SEPTIN9: variants seen among roughly 807,000 people sequenced by gnomAD.
SEPTIN9 encodes septin 9, also known as septin-9.
SEPTIN9 carries 13 observed loss-of-function variants against 56.6 expected under a neutral mutation model. The ratio of observed to expected loss-of-function variants is 0.23; its 90% CI spans 0.15 to 0.37. SEPTIN9 has a LOEUF of 0.37. SEPTIN9 is among the 10% of genes least tolerant of loss of function. The probability of loss-of-function intolerance (pLI) is 1.00; values close to 1 mark genes in which losing one functional copy is unlikely to be tolerated. For synonymous variants in SEPTIN9, 332 were observed against 334.1 expected, an observed-to-expected ratio of 0.99 and a Z score of 0.07; for missense variants, 650 against 823.1, an observed-to-expected ratio of 0.79 and a Z score of 2.57.
intron 2 of SEPTIN9, among the ~76,000 whole-genome samples, chr17:77,332,020 AATCCCAGCACTTTG>A (rs2033384427): frequency 2.6e-5 from 4 of 152,198 alleles, no homozygotes; most frequent in Non-Finnish European, 4.4e-5. Context: ...TCATGACTGT[AATCCCAGCACTTTG>A]GGAGGTTGAG....
intron 1 of SEPTIN9, among the ~76,000 whole-genome samples, chr17:77,293,181 A>C (rs760291283): frequency 2.0e-5 from 3 of 151,622 alleles, no homozygotes; most frequent in Non-Finnish European, 2.9e-5. Flanking sequence ...ATGCCTGCCT[A>C]ATTTTTTCTT....
chr17:77,394,191 C>T (rs571927764), intron 2 of SEPTIN9, among the ~76,000 whole-genome samples: 1 of 152,278 alleles, frequency 6.6e-6, no homozygotes, highest in South Asian at 2.1e-4. Context: ...GACTACCCAC[C>T]CCACCCTACA....
chr17:77,451,305 CT>C lies in SEPTIN9; in HGVS notation c.722-30838del. The C allele has an allele frequency of 1.1e-6, 1 of 946,478 alleles. No homozygotes were observed. The highest frequency in any genetic ancestry group is 4.9e-5 in the South Asian group (1 of 20,604). The allele number at this position is 946,478 out of a possible 1,614,324, so 58.6% of individuals were successfully genotyped here. A position where few individuals can be genotyped will look rare whatever the true frequency, so the allele number is the denominator to read the frequency against. On this transcript the variant is annotated intron_variant, in intron 3 of 11. Transcript: ENST00000427177. This position sits in a 1 kb window ranked among gnomAD's most constrained non-coding sequence, Gnocchi z 4.2. ...GGGCGCCCCTATCTCTGCCTGCCCC[CT>C]CCTCCTGCTCCCCTCGCCCTGCCCC...
chr17:77,285,541 G>A (rs959717606), intron 1 of SEPTIN9, among the ~76,000 whole-genome samples: 2 of 152,160 alleles, frequency 1.3e-5, no homozygotes, highest in African/African-American at 2.4e-5. Flanking sequence ...GGGATTACAG[G>A]CATGTGCCAC....
intron 3 of SEPTIN9, chr17:77,469,457 C>T (rs2038885588): frequency 6.6e-6 from 1 of 152,188 alleles, no homozygotes; most frequent in African/African-American, 2.4e-5. Context: ...GTCAGAACCC[C>T]AAGTCCAGAG....
At chr17:77,413,488 G>A (rs189895525) in intron 3 of SEPTIN9, among the ~76,000 whole-genome samples, 1 of 152,338 alleles carries the variant, frequency 6.6e-6, no homozygotes, top group African/African-American at 2.4e-5. Context: ...TGATTGACAT[G>A]ATTGATCAGC....
intron 1 of SEPTIN9, chr17:77,287,791 T>G: frequency 9.0e-6 from 7 of 778,868 alleles, no homozygotes; most frequent in Non-Finnish European, 9.5e-6. Context: ...CAGCCTAATC[T>G]GACCTGGTTC....
intron 3 of SEPTIN9, among the ~76,000 whole-genome samples, chr17:77,426,050 TC>T (rs1375961849): frequency 3.3e-4 from 50 of 151,924 alleles, no homozygotes; most frequent in Non-Finnish European, 5.9e-5. Context: ...GGAGGAGGCC[TC>T]CACACCTCCC....
chr17:77,437,232 T>A lies in SEPTIN9; in HGVS notation c.721+34529T>A, dbSNP rs1269585894. On this transcript the variant is annotated intron_variant, in intron 3 of 11. Coordinates refer to ENST00000427177, the MANE Select transcript of SEPTIN9 (RefSeq NM_001113491.2). This position sits in a 1 kb window ranked among gnomAD's most constrained non-coding sequence, Gnocchi z 5.3. ...GAAAGAAGAATGCCCTATGCAGAAG[T>A]GGTTGGAAAGCAAGAAGCCTGGAGA... Among the ~76,000 whole-genome samples the A allele has an allele frequency of 6.6e-6, 1 of 152,006 alleles. No homozygotes were observed. Among genetic ancestry groups the A allele is most frequent in the Non-Finnish European group, 1.5e-5 (1 of 67,970 alleles).
intron 2 of SEPTIN9, among the ~76,000 whole-genome samples, chr17:77,393,056 C>T (rs1214241079): frequency 1.3e-5 from 2 of 152,178 alleles, no homozygotes; most frequent in Non-Finnish European, 2.9e-5. Context: ...CAGGCCAATT[C>T]TGGAGGGCTA....
At chr17:77,355,961 G>A (rs77252631) in intron 2 of SEPTIN9, among the ~76,000 whole-genome samples, 39,924 of 126,444 alleles carry the variant, frequency 0.32, 5,837 homozygotes, top group Middle Eastern at 0.4. Context: ...CAGCCTGGGC[G>A]ACAGAGCGAG....
Position 77,499,045 on chromosome 17 carries a change from G to C in SEPTIN9, c.*387G>C, listed in dbSNP as rs779532498. 4 of 537,746 alleles carry C rather than the reference G, an allele frequency of 7.4e-6. No individual in the cohort carries two copies. The highest frequency in any genetic ancestry group is 6.1e-5 in the South Asian group (4 of 65,230). The allele number at this position is 537,746 out of a possible 1,614,324, so 33.3% of individuals were successfully genotyped here. A position where few individuals can be genotyped will look rare whatever the true frequency, so the allele number is the denominator to read the frequency against. ...GGCCAGGCCTCGCACTTGCAGAGGA[G>C]CCCAGTGGGCTGCACGCTCCCCTCC... On this transcript the variant is annotated 3_prime_UTR_variant, in exon 12 of 12. Coordinates refer to ENST00000427177, the MANE Select transcript of SEPTIN9 (RefSeq NM_001113491.2).
Position 77,436,150 on chromosome 17 carries a change from C to G in SEPTIN9, c.721+33447C>G, listed in dbSNP as rs1026577896. The stretch of plus-strand genomic sequence containing the variant: ...GCCTGGTTGGGGAGTGTGAGGATGC[C>G]TGCTGGAAGCCAACGTGCACGAAAG... On this transcript the variant is annotated intron_variant, in intron 3 of 11. Transcript: ENST00000427177. The surrounding 1 kb of genome is among the most constrained non-coding windows in gnomAD (Gnocchi z 4.4). Among the ~76,000 whole-genome samples, 1 of 152,182 alleles carries G rather than the reference C, an allele frequency of 6.6e-6. No homozygotes were observed. The highest frequency in any genetic ancestry group is 1.5e-5 in the Non-Finnish European group (1 of 68,036).
rs368087268 is a variant in SEPTIN9 at position 77,467,715 on chromosome 17, C to T, written c.722-14429C>T. 8.7e-4 allele frequency among the ~76,000 whole-genome samples: 133 copies of T among 152,312 alleles called. 4 individuals are homozygous for T. The South Asian group carries it at 9.5e-3, about 11-fold the overall frequency. On this transcript the variant is annotated intron_variant, in intron 3 of 11. Transcript: ENST00000427177. Reference sequence around the variant, plus strand: ...CGGCCACACACCGAAGCCGCGGAGACGCCGTGGGAAAGGACTCTGGCCAGC... The same window carrying T: ...CGGCCACACACCGAAGCCGCGGAGATGCCGTGGGAAAGGACTCTGGCCAGC...
chr17:77,401,989 A>T lies in SEPTIN9; in HGVS notation c.77-70A>T, dbSNP rs927870667. 4 of 1,505,538 alleles carry T rather than the reference A, an allele frequency of 2.7e-6. No homozygotes were observed. The African/African-American group carries it at 5.5e-5, about 21-fold the overall frequency. The allele number at this position is 1,505,538 out of a possible 1,614,324, so 93.3% of individuals were successfully genotyped here. ...CGCCTGCCTTCCTCTGCTGCTCCTTAGCAGGAAACATGCCGGAGTGTTCCC... is the reference window on the plus strand; with the variant it reads ...CGCCTGCCTTCCTCTGCTGCTCCTTTGCAGGAAACATGCCGGAGTGTTCCC... On this transcript the variant is annotated intron_variant, in intron 2 of 11. Transcript: ENST00000427177.
chr17:77,290,579 G>A (rs2031498363), intron 1 of SEPTIN9, among the ~76,000 whole-genome samples: 1 of 151,688 alleles, frequency 6.6e-6, no homozygotes, highest in Non-Finnish European at 1.5e-5. Context: ...TGTAATCCCA[G>A]CACTTTGAGA....
In SEPTIN9 at chr17:77,475,556, T is replaced by C. The variant is rs1226899634; in HGVS notation, c.722-6588T>C. The C allele has an allele frequency of 1.2e-6, 2 of 1,613,110 alleles. No homozygotes were observed. The highest frequency in any genetic ancestry group is 1.7e-6 in the Non-Finnish European group (2 of 1,179,794). On this transcript the variant is annotated intron_variant, in intron 3 of 11. Coordinates refer to ENST00000427177, the MANE Select transcript of SEPTIN9 (RefSeq NM_001113491.2). The surrounding 1 kb of genome is among the most constrained non-coding windows in gnomAD (Gnocchi z 4.6). ...TTCTGGGAAGGCCTGCAGGTGGCCG[T>C]AGGGCTGCCGCAGGGGTGCTGGCCC...
intron 3 of SEPTIN9, among the ~76,000 whole-genome samples, chr17:77,439,173 C>T (rs544060301): frequency 6.6e-5 from 10 of 152,270 alleles, no homozygotes; most frequent in African/African-American, 2.2e-4. Context: ...AGCTAGATAG[C>T]CCAGTTCCTG....
rs762541240 is a variant in SEPTIN9, at chr17:77,281,514, G to A, written c.-22G>A. The A allele has an allele frequency of 2.0e-5, 31 of 1,547,346 alleles. No homozygotes were observed. The highest frequency in any genetic ancestry group is 2.6e-5 in the Non-Finnish European group (30 of 1,146,266). The stretch of plus-strand genomic sequence containing the variant: ...CTGCCTCGCCGCCACACTTTCCTGG[G>A]AGCGGCGGCCACGGAGGCACCATGA... On this transcript the variant is annotated 5_prime_UTR_variant, in exon 1 of 12. Coordinates refer to ENST00000427177, the MANE Select transcript of SEPTIN9 (RefSeq NM_001113491.2).
Sources: allele counts gnomAD v4.1 joint callset (sites outside exome capture counted in the v4.1 genomes callset), GRCh38; gene constraint gnomAD v4.1.1; non-coding constraint Gnocchi (gnomAD v3.1); transcripts MANE v1.5; gene names NCBI Gene and HGNC (gene_info 2026-07-23, HGNC 2026-07-21).